PLXNA4: variants seen among roughly 807,000 people sequenced by gnomAD.
PLXNA4 encodes the protein plexin-A4.
In PLXNA4, 44 loss-of-function variants were observed where a neutral mutation model predicts 191.8. The ratio of observed to expected loss-of-function variants is 0.23; its 90% CI spans 0.18 to 0.29. PLXNA4 has a LOEUF of 0.29. Ranked by LOEUF, PLXNA4 falls within the 10% of genes least tolerant of loss-of-function variation. The probability of loss-of-function intolerance (pLI) is 1.00; values close to 1 mark genes in which losing one functional copy is unlikely to be tolerated. For missense variants in PLXNA4, 1,800 were observed against 2,488.8 expected (o/e 0.72, Z 5.89); for synonymous variants, 1,082 against 1,009.5 (o/e 1.07, Z -1.36).
chr7:132,577,483 C>T (rs1455500992), upstream of PLXNA4, among the ~76,000 whole-genome samples: 2 of 150,710 alleles, frequency 1.3e-5, no homozygotes. Context: ...CTCTCGCTGG[C>T]TCGGAGCTCG....
chr7:132,222,262 G>C (rs993909924), intron 9 of PLXNA4, among the ~76,000 whole-genome samples: 1 of 152,228 alleles, frequency 6.6e-6, no homozygotes, highest in African/African-American at 2.4e-5. Context: ...GCTAAGCACA[G>C]TGCAGTCACT....
intron 4 of PLXNA4, among the ~76,000 whole-genome samples, chr7:132,269,289 A>T (rs1799971058): frequency 6.6e-6 from 1 of 152,170 alleles, no homozygotes. Context: ...ACTATTTTTG[A>T]ATAGACTATT....
chr7:132,208,574 TG>T (rs1797700382), intron 10 of PLXNA4, among the ~76,000 whole-genome samples: 1 of 151,976 alleles, frequency 6.6e-6, no homozygotes, highest in Non-Finnish European at 1.5e-5. Flanking sequence ...CTCTTCTTGG[TG>T]AAGGGAGCCG....
At chr7:132,474,743 C>A (rs1263091331) in intron 3 of PLXNA4, among the ~76,000 whole-genome samples, 4 of 152,196 alleles carry the variant, frequency 2.6e-5, no homozygotes, top group African/African-American at 9.7e-5. Flanking sequence ...TGGAGACCTT[C>A]CCCTCCTCTG....
At chr7:132,252,616 T>G (rs1799294799) in intron 4 of PLXNA4, among the ~76,000 whole-genome samples, 1 of 152,206 alleles carries the variant, frequency 6.6e-6, no homozygotes, top group South Asian at 2.1e-4. Context: ...AAGGGTTTTA[T>G]GCCTTATGCA....
intron 29 of PLXNA4, 82 bp downstream of exon 29, chr7:132,145,037 A>G: frequency 6.3e-7 from 1 of 1,598,394 alleles, no homozygotes; most frequent in Non-Finnish European, 8.5e-7. Flanking sequence ...CTTCTCCTGG[A>G]GGCCCAGAGT....
intron 3 of PLXNA4, among the ~76,000 whole-genome samples, chr7:132,338,432 C>T (rs1317624696): frequency 6.6e-6 from 1 of 152,218 alleles, no homozygotes; most frequent in Non-Finnish European, 1.5e-5. Flanking sequence ...AAAAAGAATA[C>T]CTCTGACGTT....
chr7:132,520,040 G>T (rs1799110724), intron 1 of PLXNA4, among the ~76,000 whole-genome samples: 1 of 152,220 alleles, frequency 6.6e-6, no homozygotes, highest in Non-Finnish European at 1.5e-5. Flanking sequence ...TTGTGGAGGT[G>T]CAGGGCAGAG....
chr7:132,200,187 G>A (rs1399073539), intron 12 of PLXNA4, among the ~76,000 whole-genome samples: 11 of 152,170 alleles, frequency 7.2e-5, no homozygotes, highest in African/African-American at 2.7e-4. Context: ...AATAGCCTTT[G>A]TCACAGGGAG....
intron 1 of PLXNA4, among the ~76,000 whole-genome samples, chr7:132,563,471 CCTT>C (rs1214751978): frequency 1.0e-5 from 1 of 98,064 alleles, no homozygotes. Flanking sequence ...TCCTCCTCCT[CCTT>C]CTGCTGCTCC....
Position 132,292,109 on chromosome 7 carries a change from A to G in PLXNA4, c.1503+5982T>C, listed in dbSNP as rs145186751. 2.6e-3 allele frequency among the ~76,000 whole-genome samples: 390 copies of G among 152,324 alleles called. 1 individual carries two copies. The highest frequency in any genetic ancestry group is 9.1e-3 in the African/African-American group (377 of 41,582). ...CACACTCAGCCCCCAGGAAAGTTTCAAACAGCAGTGGGGAGTCAAAGTTAG... is the reference window on the plus strand; with the variant it reads ...CACACTCAGCCCCCAGGAAAGTTTCGAACAGCAGTGGGGAGTCAAAGTTAG... On this transcript the variant is annotated intron_variant, in intron 4 of 31. Coordinates refer to ENST00000321063, the MANE Select transcript of PLXNA4 (RefSeq NM_020911.2).
At chr7:132,476,391 T>A (rs1248268449) in intron 3 of PLXNA4, among the ~76,000 whole-genome samples, 1 of 152,184 alleles carries the variant, frequency 6.6e-6, no homozygotes, top group Non-Finnish European at 1.5e-5. Flanking sequence ...GTTTAAGACA[T>A]GTTGGCCAAA....
intron 2 of PLXNA4, among the ~76,000 whole-genome samples, chr7:132,621,246 G>GTTT (rs373540061): frequency 7.8e-6 from 1 of 127,632 alleles, no homozygotes. Flanking sequence ...GTTTTTTTTT[G>GTTT]TTTTTTTTTT....
intron 3 of PLXNA4, among the ~76,000 whole-genome samples, chr7:132,417,647 GAGAGAGAGAA>G (rs1226392941): frequency 6.8e-6 from 1 of 147,836 alleles, no homozygotes; most frequent in African/African-American, 2.4e-5. Flanking sequence ...GTGTGTGAGG[GAGAGAGAGAA>G]GGAGAGAGAG....
intron 2 of PLXNA4, among the ~76,000 whole-genome samples, chr7:132,635,159 T>C (rs537008312): frequency 6.7e-4 from 80 of 119,268 alleles, no homozygotes; most frequent in African/African-American, 2.5e-3. Flanking sequence ...TAATACTTAA[T>C]AAACTCCCCT....
intron 1 of PLXNA4, among the ~76,000 whole-genome samples, chr7:132,527,597 G>A (rs948621142): frequency 6.0e-5 from 9 of 149,746 alleles, no homozygotes; most frequent in Non-Finnish European, 1.0e-4. Flanking sequence ...TCTAGTGAAC[G>A]GACTAACAAG....
chr7:132,355,532 G>A lies in PLXNA4; in HGVS notation c.1372-57310C>T, dbSNP rs890205481. Among the ~76,000 whole-genome samples the A allele has an allele frequency of 5.3e-5, 8 of 152,106 alleles. 1 individual carries two copies. Among genetic ancestry groups the A allele is most frequent in the South Asian group, 4.2e-4 (2 of 4,818 alleles). ...GGACAAATGAGACTGTTGGGTGCTC[G>A]GCAGACTCTCCCATTCAGCCGATTA... On this transcript the variant is annotated intron_variant, in intron 3 of 31. Transcript: ENST00000321063.
intron 3 of PLXNA4, among the ~76,000 whole-genome samples, chr7:132,370,288 A>G (rs1804382873): frequency 6.6e-6 from 1 of 152,148 alleles, no homozygotes. Flanking sequence ...GTGTTATCAC[A>G]GATGCCACCC....
chr7:132,318,644 G>T (rs1802040437), intron 3 of PLXNA4, among the ~76,000 whole-genome samples: 1 of 146,114 alleles, frequency 6.8e-6, no homozygotes, highest in African/African-American at 2.5e-5. Flanking sequence ...AGCCTCTGGT[G>T]ATCATCACGC....
Sources: gnomAD v4.1 joint callset for allele counts (sites outside exome capture counted in the v4.1 genomes callset) on GRCh38, gnomAD v4.1.1 for gene constraint, MANE v1.5 for transcripts, NCBI Gene and HGNC (gene_info 2026-07-23, HGNC 2026-07-21) for gene names.